ITGB8: variants seen among roughly 807,000 people sequenced by gnomAD.
ITGB8 encodes integrin subunit beta 8.
A neutral mutation model predicts 89.5 loss-of-function variants in ITGB8; 30 were observed. The observed-to-expected ratio is 0.34, with a 90% CI of 0.25 to 0.45. The LOEUF (loss-of-function observed/expected upper bound fraction) is 0.45. Among genes scored for constraint, ITGB8 ranks in the 20% least tolerant of loss-of-function variants. The pLI is 1.00. For missense variants in ITGB8, 836 were observed against 933.3 expected (o/e 0.90, Z 1.36); for synonymous variants, 335 against 320.4 (o/e 1.05, Z -0.49).
intron 8 of ITGB8, among the ~76,000 whole-genome samples, chr7:20,397,418 G>C (rs1787130944): frequency 6.6e-6 from 1 of 152,042 alleles, no homozygotes; most frequent in Non-Finnish European, 1.5e-5. Context: ...TAGATGCAGG[G>C]TTTCACCATG....
chr7:20,331,230 T>G lies in ITGB8; in HGVS notation c.-577T>G. On this transcript the variant is annotated 5_prime_UTR_variant, in exon 1 of 14. Coordinates refer to ENST00000222573, the MANE Select transcript of ITGB8 (RefSeq NM_002214.3). ...TGCTCCGCAGACGGGGCTGCAAAGC[T>G]GCAACTAATGGTGTTGGCCTCCCTG... 1 of 240,228 alleles carries G rather than the reference T, an allele frequency of 4.2e-6. No homozygotes were observed. Among genetic ancestry groups the G allele is most frequent in the South Asian group, 1.8e-4 (1 of 5,644 alleles). 14.9% of individuals were successfully genotyped at this position (240,228 alleles called of 1,614,324 possible). A position where few individuals can be genotyped will look rare whatever the true frequency, so the allele number is the denominator to read the frequency against.
intron 1 of ITGB8, among the ~76,000 whole-genome samples, chr7:20,361,824 G>A (rs1785514332): frequency 1.3e-5 from 2 of 152,166 alleles, no homozygotes; most frequent in Admixed American, 1.3e-4. Flanking sequence ...TTCATACTCT[G>A]GGTAGCCAAG....
rs529973188 is a variant in ITGB8, at chr7:20,358,400, A to G, written c.128-5237A>G. ...TTTCTCAGATTTCCAGATGATAAAA[A>G]TATTAGCATCATTTTTTTCTTTTTT... On this transcript the variant is annotated intron_variant, in intron 1 of 13. Coordinates refer to ENST00000222573, the MANE Select transcript of ITGB8 (RefSeq NM_002214.3). Among the ~76,000 whole-genome samples, 43 of 152,182 alleles carry G rather than the reference A, an allele frequency of 2.8e-4. No homozygotes were observed. In the South Asian group the frequency reaches 8.7e-3, roughly 31 times the overall value.
intron 6 of ITGB8, among the ~76,000 whole-genome samples, chr7:20,388,689 A>T (rs1278102330): frequency 6.6e-6 from 1 of 151,880 alleles, no homozygotes; most frequent in Non-Finnish European, 1.5e-5. Flanking sequence ...CAGAATGTGC[A>T]GGTTTGTTAC....
intron 1 of ITGB8, among the ~76,000 whole-genome samples, chr7:20,348,371 C>A (rs80336185): frequency 0.011 from 1,689 of 152,248 alleles, 27 homozygotes; most frequent in African/African-American, 0.038. Flanking sequence ...GATGCATCAC[C>A]CCATTTGTGC....
intron 12 of ITGB8, among the ~76,000 whole-genome samples, chr7:20,406,983 C>A (rs1787569065): frequency 6.6e-6 from 1 of 152,028 alleles, no homozygotes; most frequent in South Asian, 2.1e-4. Context: ...TTTGGCTTCA[C>A]CTGAAACATG....
intron 7 of ITGB8, 127 bp downstream of exon 7, chr7:20,391,625 G>A (rs1355647348): frequency 2.0e-6 from 1 of 498,256 alleles, no homozygotes; most frequent in Non-Finnish European, 3.6e-6. Context: ...ATTCTATATT[G>A]TATTACTAAA....
At chr7:20,380,398 T>C (rs963502124) in intron 4 of ITGB8, 38 of 348,228 alleles carry the variant, frequency 1.1e-4, no homozygotes, top group African/African-American at 7.0e-4. Flanking sequence ...ATTGAAAGCC[T>C]TTAACTGTCC....
intron 9 of ITGB8, among the ~76,000 whole-genome samples, 169 bp from the exon 10 acceptor site, chr7:20,401,552 T>TA (rs879293537): frequency 6.6e-6 from 1 of 152,228 alleles, no homozygotes; most frequent in Non-Finnish European, 1.5e-5. Flanking sequence ...TAAATGACTT[T>TA]AAAAAGAGAT....
Position 20,412,342 on chromosome 7 carries a change from C to A in ITGB8, c.*2345C>A, listed in dbSNP as rs1425668257. The A allele has an allele frequency of 6.6e-6, 1 of 152,536 alleles. No homozygotes were observed. The highest frequency in any genetic ancestry group is 1.5e-5 in the Non-Finnish European group (1 of 68,024). The allele number at this position is 152,536 out of a possible 1,614,324, so 9.4% of individuals were successfully genotyped here. ...AAAAATTGGGTTTAGTAGCCTAATA[C>A]ACATAACGTTCTTCTTAAAAAGGAA... On this transcript the variant is annotated 3_prime_UTR_variant, in exon 14 of 14. Transcript: ENST00000222573.
chr7:20,409,510 A>G, intron 12 of ITGB8, 105 bp from the exon 13 acceptor site: 1 of 699,302 alleles, frequency 1.4e-6, no homozygotes, highest in Non-Finnish European at 2.3e-6. Context: ...AGATTTGCAA[A>G]TATCTTTGGC....
intron 3 of ITGB8, among the ~76,000 whole-genome samples, chr7:20,378,375 C>G (rs1169562687): frequency 6.6e-6 from 1 of 152,294 alleles, no homozygotes; most frequent in African/African-American, 2.4e-5. Flanking sequence ...CTGACCCCTA[C>G]CTTCCCCAGG....
intron 1 of ITGB8, among the ~76,000 whole-genome samples, chr7:20,353,729 C>T (rs868567685): frequency 2.0e-5 from 3 of 147,052 alleles, no homozygotes; most frequent in Admixed American, 6.6e-5. Context: ...GTCAGGAGAT[C>T]GAGACCATCC....
intron 3 of ITGB8, chr7:20,377,305 GT>G (rs1430755960): frequency 6.6e-6 from 1 of 152,104 alleles, no homozygotes; most frequent in African/African-American, 2.4e-5. Context: ...CATGTGGCCG[GT>G]TTACAAAAAC....
chr7:20,414,161 T>G lies in ITGB8; in HGVS notation c.*4164T>G, dbSNP rs1787857808. 1 of 152,166 alleles carries G rather than the reference T, an allele frequency of 6.6e-6. No homozygotes were observed. Among genetic ancestry groups the G allele is most frequent in the South Asian group, 2.1e-4 (1 of 4,832 alleles). 9.4% of individuals were successfully genotyped at this position (152,166 alleles called of 1,614,324 possible). A position where few individuals can be genotyped will look rare whatever the true frequency, so the allele number is the denominator to read the frequency against. ...AATATTACACTAATCCAACTTTACC[T>G]AAATGTTTATGCATCTAGGCAAATT... On this transcript the variant is annotated 3_prime_UTR_variant, in exon 14 of 14. Coordinates refer to ENST00000222573, the MANE Select transcript of ITGB8 (RefSeq NM_002214.3).
intron 2 of ITGB8, chr7:20,364,691 G>T (rs1227775583): frequency 6.6e-6 from 1 of 152,196 alleles, no homozygotes; most frequent in Admixed American, 6.5e-5. Context: ...GTGAAGCCAG[G>T]CATGTCATAG....
intron 3 of ITGB8, among the ~76,000 whole-genome samples, chr7:20,376,433 C>T (rs532034612): frequency 1.1e-4 from 17 of 152,258 alleles, no homozygotes; most frequent in South Asian, 4.2e-4. Flanking sequence ...GATGAGATCA[C>T]GTACAAAGGT....
At chr7:20,366,946 T>A in intron 2 of ITGB8, 66 bp from the exon 3 acceptor site, 2 of 1,068,302 alleles carry the variant, frequency 1.9e-6, no homozygotes, top group South Asian at 3.1e-5. Flanking sequence ...ATATTTGCTA[T>A]GTCATTTTCT....
intron 3 of ITGB8, among the ~76,000 whole-genome samples, chr7:20,369,404 T>G (rs1785838415): frequency 6.6e-6 from 1 of 152,294 alleles, no homozygotes; most frequent in Middle Eastern, 3.4e-3. Flanking sequence ...CCTGGCTTGC[T>G]ACGTCCACAC....
Sources: gnomAD v4.1 joint callset for allele counts (sites outside exome capture counted in the v4.1 genomes callset) on GRCh38, gnomAD v4.1.1 for gene constraint, MANE v1.5 for transcripts, NCBI Gene and HGNC (gene_info 2026-07-23, HGNC 2026-07-21) for gene names.